TMEM245: variants seen among roughly 807,000 people sequenced by gnomAD.
The protein encoded by TMEM245 is protein CG-2.
In TMEM245, 69 loss-of-function variants were observed where a neutral mutation model predicts 101.2. That is an observed-to-expected ratio of 0.68 (90% CI 0.56 to 0.83). TMEM245 has a LOEUF of 0.83. TMEM245 is among the 40% of genes least tolerant of loss of function. TMEM245 has a pLI of 0.00. For missense variants in TMEM245, 1,075 were observed against 1,092.8 expected, an observed-to-expected ratio of 0.98 and a Z score of 0.23; for synonymous variants, 537 against 449.8, an observed-to-expected ratio of 1.19 and a Z score of -2.45.
intron 1 of TMEM245, among the ~76,000 whole-genome samples, chr9:109,118,484 G>A (rs948199556): frequency 6.6e-6 from 1 of 152,152 alleles, no homozygotes; most frequent in African/African-American, 2.4e-5. Flanking sequence ...TAATTAACTA[G>A]TCCACAATAT....
chr9:109,058,662 G>A (rs1441313742), intron 11 of TMEM245, among the ~76,000 whole-genome samples: 1 of 152,070 alleles, frequency 6.6e-6, no homozygotes, highest in Non-Finnish European at 1.5e-5. Context: ...GGCTGCACTG[G>A]AGTGCAATGG....
intron 3 of TMEM245, among the ~76,000 whole-genome samples, chr9:109,095,434 G>T (rs1404854643): frequency 6.6e-6 from 1 of 152,098 alleles, no homozygotes; most frequent in African/African-American, 2.4e-5. Context: ...CAATATCTTG[G>T]GCAGAAGGAA....
rs754051177 is a variant in TMEM245, at chr9:109,090,987, G to A, written c.1085C>T (p.Ala362Val). ...CAACCAGATCTGCATGACGACAATGGCCCAAACTAGAGACACAAAGTAGAT... is the reference window on the plus strand; with the variant it reads ...CAACCAGATCTGCATGACGACAATGACCCAAACTAGAGACACAAAGTAGAT... ...SDIYFVSLVW[A>V]IVVMQIWLNL... Residue 362 changes from alanine to valine, a missense_variant, in exon 5 of 18, where the codon GCC becomes GTC. By Grantham distance (64) the Ala-to-Val change is moderately conservative. Coordinates refer to ENST00000374586, the MANE Select transcript of TMEM245 (RefSeq NM_032012.4). 2.5e-6 allele frequency: 4 copies of A among 1,614,102 alleles called. No homozygotes were observed. Among genetic ancestry groups the A allele is most frequent in the Non-Finnish European group, 1.7e-6 (2 of 1,180,030 alleles).
At chr9:109,090,188 G>C (rs993982445) in intron 5 of TMEM245, among the ~76,000 whole-genome samples, 5 of 152,054 alleles carry the variant, frequency 3.3e-5, no homozygotes, top group African/African-American at 1.2e-4. Flanking sequence ...TTGAACCCAG[G>C]GGGCAAAGGC....
chr9:109,038,189 C>T (rs189381269), intron 14 of TMEM245, 72 bp from the exon 15 acceptor site: 157 of 1,110,446 alleles, frequency 1.4e-4, no homozygotes, highest in Middle Eastern at 1.0e-3. Context: ...AATCACGTGA[C>T]CACTTGATTC....
chr9:109,091,185 C>G lies in TMEM245; in HGVS notation c.917-30G>C, dbSNP rs371847190. The G allele has an allele frequency of 3.2e-6, 5 of 1,574,954 alleles. No homozygotes were observed. In the African/African-American group the frequency reaches 6.8e-5, roughly 21 times the overall value. ...AAAGGAAAAGAAAAACACCACACACCGCATTAGTCCACATGAGGAAATGGG... is the reference window on the plus strand; with the variant it reads ...AAAGGAAAAGAAAAACACCACACACGGCATTAGTCCACATGAGGAAATGGG... On this transcript the variant is annotated intron_variant, in intron 4 of 17. Transcript: ENST00000374586.
intron 3 of TMEM245, among the ~76,000 whole-genome samples, chr9:109,099,963 A>C (rs1365738475): frequency 6.6e-6 from 1 of 152,142 alleles, no homozygotes; most frequent in Non-Finnish European, 1.5e-5. Flanking sequence ...GAAGATCCTC[A>C]CCAGATGCCA....
intron 17 of TMEM245, among the ~76,000 whole-genome samples, chr9:109,030,007 T>C (rs1220480423): frequency 6.6e-6 from 1 of 152,234 alleles, no homozygotes; most frequent in Non-Finnish European, 1.5e-5. Context: ...GAATATAATT[T>C]AAAGTCATAA....
chr9:109,119,556 C>A lies in TMEM245; in HGVS notation c.358G>T (p.Val120Phe), dbSNP rs974091313. The change falls in exon 1 of 18, where the codon GTC (valine) becomes TTC (phenylalanine). Residue 120 changes from valine (V) to phenylalanine (F), a missense_variant. Coordinates refer to ENST00000374586, the MANE Select transcript of TMEM245 (RefSeq NM_032012.4). ...AGCGGCAGGAGCAGCGCGGCCAGGA[C>A]GATGGGCGTGTGCGCGCGGTGCAGG... ...QRLHRAHTPI[V>F]LAALLLPLCF... The A allele has an allele frequency of 6.5e-7, 1 of 1,537,156 alleles. No individual in the cohort carries two copies.
intron 17 of TMEM245, among the ~76,000 whole-genome samples, chr9:109,031,756 C>G (rs1264114340): frequency 2.6e-5 from 4 of 152,134 alleles, no homozygotes; most frequent in African/African-American, 7.2e-5. Flanking sequence ...ATGTACATTT[C>G]ACCATATATA....
At position 109,036,398 on chromosome 9, in the gene TMEM245, G is replaced by T; in HGVS notation, c.2225-18C>A. On this transcript the variant is annotated intron_variant, in intron 15 of 17. Coordinates refer to ENST00000374586, the MANE Select transcript of TMEM245 (RefSeq NM_032012.4). Reference sequence around the variant, plus strand: ...TGCTAATGCTGAAAAAAGAGTAAAAGAAAAACAACTTAACATCATCAGCAA... The same window carrying T: ...TGCTAATGCTGAAAAAAGAGTAAAATAAAAACAACTTAACATCATCAGCAA... 1 of 1,559,408 alleles carries T rather than the reference G, an allele frequency of 6.4e-7. No homozygotes were observed. Among genetic ancestry groups the T allele is most frequent in the East Asian group, 2.3e-5 (1 of 43,340 alleles).
intron 15 of TMEM245, among the ~76,000 whole-genome samples, 182 bp downstream of exon 15, chr9:109,037,835 G>A (rs1218502319): frequency 6.6e-6 from 1 of 152,044 alleles, no homozygotes; most frequent in African/African-American, 2.4e-5. Flanking sequence ...CAGCTGCTGG[G>A]GATACAGCAA....
chr9:109,106,425 G>A, intron 3 of TMEM245, 83 bp downstream of exon 3: 1 of 792,534 alleles, frequency 1.3e-6, no homozygotes, highest in Non-Finnish European at 1.9e-6. Flanking sequence ...TAGATTCAAA[G>A]CTGTTTCATC....
intron 12 of TMEM245, among the ~76,000 whole-genome samples, chr9:109,053,597 T>C (rs573123291): frequency 8.5e-5 from 13 of 152,344 alleles, no homozygotes; most frequent in African/African-American, 2.4e-4. Flanking sequence ...AATGTGGTCA[T>C]GAACGGTGGT....
intron 9 of TMEM245, among the ~76,000 whole-genome samples, chr9:109,070,231 A>C (rs1829290139): frequency 6.6e-6 from 1 of 151,992 alleles, no homozygotes; most frequent in Non-Finnish European, 1.5e-5. Flanking sequence ...CCATTTTTTA[A>C]CTTCACCCCA....
chr9:109,026,726 T>A (rs145921138), intron 17 of TMEM245, among the ~76,000 whole-genome samples: 2,312 of 151,296 alleles, frequency 0.015, 27 homozygotes, highest in Non-Finnish European at 0.024. Flanking sequence ...ATGTTGAAGG[T>A]GAGGCCTAGT....
At chr9:109,076,528 A>G (rs959061415) in intron 8 of TMEM245, among the ~76,000 whole-genome samples, 2 of 147,180 alleles carry the variant, frequency 1.4e-5, no homozygotes, top group African/African-American at 5.1e-5. Context: ...CTTAAAGTAT[A>G]ATAAAAAAAA....
At chr9:109,069,907 G>C (rs1829279329) in intron 9 of TMEM245, among the ~76,000 whole-genome samples, 1 of 152,144 alleles carries the variant, frequency 6.6e-6, no homozygotes, top group Non-Finnish European at 1.5e-5. Context: ...CCAATTAAAT[G>C]AACTGCTCTT....
chr9:109,071,671 G>A (rs1481115806), intron 9 of TMEM245, among the ~76,000 whole-genome samples: 1 of 151,134 alleles, frequency 6.6e-6, no homozygotes, highest in African/African-American at 2.4e-5. Flanking sequence ...TTATATAAAA[G>A]AATAAAGTAG....
Sources: gnomAD v4.1 joint callset for allele counts (sites outside exome capture counted in the v4.1 genomes callset) on GRCh38, gnomAD v4.1.1 for gene constraint, MANE v1.5 for transcripts, NCBI Gene and HGNC (gene_info 2026-07-23, HGNC 2026-07-21) for gene names.